The following CAMK2A variants were observed in gnomAD, a reference collection of about 807,000 sequenced individuals.
The protein encoded by CAMK2A is calcium/calmodulin dependent protein kinase II alpha.
A neutral mutation model predicts 79.2 loss-of-function variants in CAMK2A; 7 were observed. That is an observed-to-expected ratio of 0.09 (90% confidence interval 0.05 to 0.17). CAMK2A has a LOEUF of 0.17. Ranked by LOEUF, CAMK2A falls within the 10% of genes least tolerant of loss-of-function variation. The pLI is 1.00. For synonymous variants in CAMK2A, 242 were observed against 251.7 expected (o/e 0.96, Z 0.36); for missense variants, 214 against 646.4 (o/e 0.33, Z 7.25).
intron 2 of CAMK2A, among the ~76,000 whole-genome samples, chr5:150,271,807 G>A (rs527341698): frequency 6.6e-6 from 1 of 152,302 alleles, no homozygotes; most frequent in East Asian, 1.9e-4. Context: ...CGCATCTCCT[G>A]GGCAGGCTTT....
Position 150,261,615 on chromosome 5 carries a change from G to T in CAMK2A, c.217+3341C>A, listed in dbSNP as rs557878232. Among the ~76,000 whole-genome samples the T allele has an allele frequency of 4.6e-5, 7 of 152,272 alleles. No homozygotes were observed. In the South Asian group the frequency reaches 1.5e-3, roughly 32 times the overall value. Reference sequence around the variant, plus strand: ...CCGACAGTGGATTTTTTTCTTGGAGGTTGAAGGACAGTACTTGTTCCCTTA... The same window carrying T: ...CCGACAGTGGATTTTTTTCTTGGAGTTTGAAGGACAGTACTTGTTCCCTTA... On this transcript the variant is annotated intron_variant, in intron 3 of 18. Coordinates refer to ENST00000671881, the MANE Select transcript of CAMK2A (RefSeq NM_015981.4).
At chr5:150,282,751 T>A (rs570496745) in intron 1 of CAMK2A, among the ~76,000 whole-genome samples, 5 of 152,240 alleles carry the variant, frequency 3.3e-5, no homozygotes, top group African/African-American at 1.2e-4. Flanking sequence ...ATCTCCCATA[T>A]CATTCTTTCA....
In CAMK2A at chr5:150,256,932, G is replaced by A; in HGVS notation, c.273-101C>T. The A allele has an allele frequency of 1.0e-6, 1 of 986,460 alleles. No individual in the cohort carries two copies. Among genetic ancestry groups the A allele is most frequent in the South Asian group, 1.6e-5 (1 of 60,910 alleles). 61.1% of individuals were successfully genotyped at this position (986,460 alleles called of 1,614,324 possible). Reference sequence around the variant, plus strand: ...CTAAGGATGGGGCCCAGGGACCTCAGGACCTCAGCCACAAAAGGAGGGGCC... The same window carrying A: ...CTAAGGATGGGGCCCAGGGACCTCAAGACCTCAGCCACAAAAGGAGGGGCC... On this transcript the variant is annotated intron_variant, in intron 4 of 18. Coordinates refer to ENST00000671881, the MANE Select transcript of CAMK2A (RefSeq NM_015981.4). This position sits in a 1 kb window ranked among gnomAD's most constrained non-coding sequence, Gnocchi z 4.6.
At chr5:150,257,831 C>T (rs1756127028) in intron 3 of CAMK2A, among the ~76,000 whole-genome samples, 1 of 152,204 alleles carries the variant, frequency 6.6e-6, no homozygotes, top group African/African-American at 2.4e-5. Flanking sequence ...GAGGGCTGGG[C>T]TTCAACATGA....
intron 12 of CAMK2A, among the ~76,000 whole-genome samples, chr5:150,245,868 C>T (rs1755547576): frequency 6.6e-6 from 1 of 152,248 alleles, no homozygotes; most frequent in Admixed American, 6.5e-5. Context: ...GCTTCCCCTG[C>T]TGTCATTTCC....
intron 15 of CAMK2A, among the ~76,000 whole-genome samples, chr5:150,237,787 C>T (rs1755147059): frequency 6.6e-6 from 1 of 152,216 alleles, no homozygotes; most frequent in South Asian, 2.1e-4. Flanking sequence ...CCGGGGCTAG[C>T]ACACAGCAAG....
At chr5:150,255,641 G>A (rs1756023232) in intron 6 of CAMK2A, among the ~76,000 whole-genome samples, 2 of 152,222 alleles carry the variant, frequency 1.3e-5, no homozygotes, top group Non-Finnish European at 2.9e-5. Context: ...TGGTGCAAGG[G>A]GCTACCCCAT....
chr5:150,254,991 G>A (rs750616071), intron 6 of CAMK2A, among the ~76,000 whole-genome samples: 13 of 152,228 alleles, frequency 8.5e-5, no homozygotes, highest in South Asian at 6.2e-4. Flanking sequence ...ACCTTTCACT[G>A]TCTAAAGCTA....
At chr5:150,241,198 G>A (rs1321598611) in intron 13 of CAMK2A, among the ~76,000 whole-genome samples, 1 of 152,208 alleles carries the variant, frequency 6.6e-6, no homozygotes, top group Admixed American at 6.5e-5. Context: ...CACTTCCAAT[G>A]CCCGTGTGCT....
intron 3 of CAMK2A, among the ~76,000 whole-genome samples, chr5:150,263,914 G>A (rs1348676288): frequency 6.6e-6 from 1 of 152,218 alleles, no homozygotes; most frequent in Non-Finnish European, 1.5e-5. Flanking sequence ...GGAGCCTCTG[G>A]CTGCTGTTTG....
intron 13 of CAMK2A, among the ~76,000 whole-genome samples, chr5:150,242,049 G>A (rs952667165): frequency 3.3e-5 from 5 of 152,214 alleles, no homozygotes; most frequent in Non-Finnish European, 7.3e-5. Flanking sequence ...CATGGGGAGA[G>A]AGGTCACGAT....
rs761627935 is a variant in CAMK2A at position 150,250,709 on chromosome 5, G to A, written c.795C>T (p.Ala265=). The change falls in exon 10 of 19, where the codon GCC becomes GCT. Residue 265 remains alanine (A), a synonymous_variant. Transcript: ENST00000671881. ...TCACCGAGATCCAGGGGTGCTTAAG[G>A]GCTTCGGCAGCTGTGATGCGTTTGG... The part of the protein sequence containing the change: ...NPSKRITAAE[A]LKHPWISHRS... 6.2e-7 allele frequency: 1 copy of A among 1,614,148 alleles called. No homozygotes were observed. The highest frequency in any genetic ancestry group is 1.1e-5 in the South Asian group (1 of 91,076).
At chr5:150,249,577 C>A (rs1457574725) in intron 11 of CAMK2A, among the ~76,000 whole-genome samples, 1 of 150,900 alleles carries the variant, frequency 6.6e-6, no homozygotes, top group African/African-American at 2.4e-5. Context: ...GAGACAGAGT[C>A]TCTCTCTGTT....
chr5:150,238,060 C>T (rs528185778), intron 15 of CAMK2A, among the ~76,000 whole-genome samples: 1 of 152,294 alleles, frequency 6.6e-6, no homozygotes, highest in African/African-American at 2.4e-5. Flanking sequence ...AACTCAAAAA[C>T]ACTTACTTCA....
chr5:150,222,688 G>A lies in CAMK2A; in HGVS notation c.*22C>T, dbSNP rs201811573. ...GAGTGGATCTCTGCGGCACAGCAAC[G>A]CAGCGACCCCAGCCTGGTCCCTCAG... On this transcript the variant is annotated 3_prime_UTR_variant, in exon 19 of 19. Transcript: ENST00000671881. 5.9e-4 allele frequency: 958 copies of A among 1,613,580 alleles called. 3 individuals carry two copies. The highest frequency in any genetic ancestry group is 1.1e-3 in the South Asian group (100 of 91,054).
chr5:150,279,631 G>T (rs1308016746), intron 1 of CAMK2A, among the ~76,000 whole-genome samples: 2 of 152,218 alleles, frequency 1.3e-5, no homozygotes, highest in African/African-American at 4.8e-5. Flanking sequence ...GAAGAAGCAA[G>T]CCAAGGTGGA....
chr5:150,245,206 G>A lies in CAMK2A; in HGVS notation c.944-5C>T, dbSNP rs1365924347. 1 of 1,613,566 alleles carries A rather than the reference G, an allele frequency of 6.2e-7. No homozygotes were observed. The highest frequency in any genetic ancestry group is 2.2e-5 in the East Asian group (1 of 44,806). On this transcript the variant is annotated splice_region_variant and splice_polypyrimidine_tract_variant and intron_variant, in intron 12 of 18. Transcript: ENST00000671881. Reference sequence around the variant, plus strand: ...TGTTTCCCCCACTCTTCCCTCCTGTGGAGGAGAAAAAGTAGAGGGTTAACA... The same window carrying A: ...TGTTTCCCCCACTCTTCCCTCCTGTAGAGGAGAAAAAGTAGAGGGTTAACA...
intron 2 of CAMK2A, among the ~76,000 whole-genome samples, chr5:150,267,478 T>C (rs1580940473): frequency 6.6e-6 from 1 of 152,380 alleles, no homozygotes; most frequent in East Asian, 1.9e-4. Flanking sequence ...CATGCAACTG[T>C]AAACTTGTAT....
intron 11 of CAMK2A, among the ~76,000 whole-genome samples, chr5:150,249,612 G>A (rs1050993457): frequency 3.3e-5 from 5 of 151,070 alleles, no homozygotes; most frequent in Non-Finnish European, 5.9e-5. Flanking sequence ...GCAATGGCAC[G>A]ATCTCACTCA....
Sources: gnomAD v4.1 joint callset for allele counts (sites outside exome capture counted in the v4.1 genomes callset) on GRCh38, gnomAD v4.1.1 for gene constraint, Gnocchi (gnomAD v3.1) non-coding constraint, MANE v1.5 for transcripts, NCBI Gene and HGNC (gene_info 2026-07-23, HGNC 2026-07-21) for gene names.